Variants in EXT2 observed in about 807,000 individuals in gnomAD.
EXT2 encodes the protein exostosin glycosyltransferase 2, also known as exostosin-2.
In EXT2, 53 loss-of-function variants were observed where a neutral mutation model predicts 81.6. The observed-to-expected ratio is 0.65, with a 90% confidence interval of 0.52 to 0.82. EXT2 has a LOEUF of 0.82. Among genes scored for constraint, EXT2 ranks in the 40% least tolerant of loss-of-function variants. The pLI is 0.00. For missense variants in EXT2, 774 were observed against 910.2 expected, an observed-to-expected ratio of 0.85 and a Z score of 1.93; for synonymous variants, 320 against 340.0, an observed-to-expected ratio of 0.94 and a Z score of 0.65.
intron 5 of EXT2, among the ~76,000 whole-genome samples, chr11:44,126,506 C>A (rs1954406346): frequency 6.6e-6 from 1 of 152,184 alleles, no homozygotes; most frequent in Non-Finnish European, 1.5e-5. Context: ...TAAAGAGACC[C>A]ATTTGCAGGA....
chr11:44,203,742 C>T (rs939852744), intron 9 of EXT2, among the ~76,000 whole-genome samples: 1 of 151,614 alleles, frequency 6.6e-6, no homozygotes, highest in African/African-American at 2.4e-5. Flanking sequence ...TGCCTGCCTG[C>T]CTGCTGGCCA....
At chr11:44,181,898 G>A (rs1046175777) in intron 8 of EXT2, among the ~76,000 whole-genome samples, 1 of 152,180 alleles carries the variant, frequency 6.6e-6, no homozygotes, top group Non-Finnish European at 1.5e-5. Flanking sequence ...TGGAAGCTCT[G>A]TATACATGAA....
At chr11:44,196,106 A>AT (rs1955452453) in intron 8 of EXT2, among the ~76,000 whole-genome samples, 1 of 152,198 alleles carries the variant, frequency 6.6e-6, no homozygotes. Context: ...TTAATATTTT[A>AT]ATGGTAGCAA....
intron 7 of EXT2, among the ~76,000 whole-genome samples, chr11:44,165,975 A>G (rs534089037): frequency 2.0e-5 from 3 of 152,320 alleles, no homozygotes; most frequent in South Asian, 2.1e-4. Flanking sequence ...CTCATTTATA[A>G]AATGAAACTG....
intron 8 of EXT2, among the ~76,000 whole-genome samples, chr11:44,186,761 G>C (rs913719426): frequency 5.9e-5 from 9 of 152,110 alleles, no homozygotes; most frequent in Non-Finnish European, 2.9e-5. Context: ...TGAGTGACTT[G>C]AGGTTACTTA....
intron 1 of EXT2, chr11:44,096,146 C>A: frequency 9.1e-7 from 1 of 1,096,076 alleles, no homozygotes; most frequent in Non-Finnish European, 1.3e-6. Context: ...GCCCCCAGTC[C>A]GCTCCTTCCT....
At chr11:44,145,259 G>A (rs1425423869) in intron 7 of EXT2, among the ~76,000 whole-genome samples, 1 of 152,098 alleles carries the variant, frequency 6.6e-6, no homozygotes, top group Non-Finnish European at 1.5e-5. Flanking sequence ...AAAACATTGA[G>A]TAGAAAATGC....
At chr11:44,169,491 G>C (rs958873018) in intron 7 of EXT2, among the ~76,000 whole-genome samples, 1 of 151,956 alleles carries the variant, frequency 6.6e-6, no homozygotes, top group Admixed American at 6.6e-5. Flanking sequence ...AAAATTTTTT[G>C]ATCAATTCTA....
At position 44,144,292 on chromosome 11, in the gene EXT2, C is replaced by T. The variant is rs2135064908; in HGVS notation, c.1173+14154C>T. ...GAGAGAGAACTGGTCAGCTGCTAAT[C>T]ACCAAATGAACTCCCTGATCTGGCC... is the stretch of plus-strand genomic sequence containing the variant. On this transcript the variant is annotated intron_variant, in intron 7 of 13. Coordinates refer to ENST00000533608, the MANE Select transcript of EXT2 (RefSeq NM_207122.2). 6.3e-7 allele frequency: 1 copy of T among 1,598,440 alleles called. No homozygotes were observed.
At chr11:44,096,021 A>G (rs1432494531) in intron 1 of EXT2, among the ~76,000 whole-genome samples, 169 bp downstream of exon 1, 1 of 152,120 alleles carries the variant, frequency 6.6e-6, no homozygotes, top group Non-Finnish European at 1.5e-5. Flanking sequence ...CGGGGCTGTG[A>G]CAATGACTGC....
chr11:44,183,109 T>A (rs924420348), intron 8 of EXT2, among the ~76,000 whole-genome samples: 1 of 152,266 alleles, frequency 6.6e-6, no homozygotes, highest in Non-Finnish European at 1.5e-5. Context: ...GTCATATAAG[T>A]AATGTGTTCT....
chr11:44,169,605 C>T (rs1042670325), intron 7 of EXT2, among the ~76,000 whole-genome samples: 3 of 152,004 alleles, frequency 2.0e-5, no homozygotes, highest in Admixed American at 1.3e-4. Context: ...AAGTATAAAT[C>T]GACTATATTT....
intron 1 of EXT2, among the ~76,000 whole-genome samples, chr11:44,099,455 G>C (rs1953951847): frequency 6.6e-6 from 1 of 152,076 alleles, no homozygotes; most frequent in Non-Finnish European, 1.5e-5. Context: ...AAAGTGCTGG[G>C]ATTACAGGTG....
At position 44,171,604 on chromosome 11, in the gene EXT2, T is replaced by G. The variant is rs1003209849; in HGVS notation, c.1174-7T>G. 1.9e-6 allele frequency: 3 copies of G among 1,614,194 alleles called. No homozygotes were observed. Among genetic ancestry groups the G allele is most frequent in the Non-Finnish European group, 2.5e-6 (3 of 1,180,032 alleles). ...GCTCACTTAAAACAGCATTATTTTCTTTATAGGCCCGGTGGTTCTGGGAAG... is the reference window on the plus strand; with the variant it reads ...GCTCACTTAAAACAGCATTATTTTCGTTATAGGCCCGGTGGTTCTGGGAAG... On this transcript the variant is annotated splice_region_variant and splice_polypyrimidine_tract_variant and intron_variant, in intron 7 of 13. Transcript: ENST00000533608.
intron 7 of EXT2, among the ~76,000 whole-genome samples, chr11:44,143,976 C>T (rs1223655667): frequency 3.9e-5 from 6 of 152,204 alleles, no homozygotes; most frequent in Middle Eastern, 3.4e-3. Context: ...TGATTTCTCC[C>T]GTCTTACTCC....
chr11:44,221,278 G>A (rs537253420), intron 10 of EXT2, among the ~76,000 whole-genome samples: 2 of 152,276 alleles, frequency 1.3e-5, no homozygotes, highest in Admixed American at 1.3e-4. Flanking sequence ...TGTGTGTTCT[G>A]CACCCTCACC....
chr11:44,153,391 A>G (rs1954817736), intron 7 of EXT2, among the ~76,000 whole-genome samples: 2 of 152,172 alleles, frequency 1.3e-5, no homozygotes, highest in Non-Finnish European at 2.9e-5. Context: ...GTAACTGCTT[A>G]TTAGTTCCAT....
At chr11:44,170,047 A>C (rs974530976) in intron 7 of EXT2, among the ~76,000 whole-genome samples, 13 of 152,312 alleles carry the variant, frequency 8.5e-5, no homozygotes, top group African/African-American at 3.1e-4. Context: ...CATCAACTGC[A>C]GAATATACAT....
chr11:44,134,173 A>G (rs1458628732), intron 7 of EXT2, among the ~76,000 whole-genome samples: 2 of 152,230 alleles, frequency 1.3e-5, no homozygotes, highest in African/African-American at 4.8e-5. Flanking sequence ...TCCTTAAGTC[A>G]GTAGAAGACA....
Sources: allele counts gnomAD v4.1 joint callset (sites outside exome capture counted in the v4.1 genomes callset), GRCh38; gene constraint gnomAD v4.1.1; transcripts MANE v1.5; gene names NCBI Gene and HGNC (gene_info 2026-07-23, HGNC 2026-07-21).